The following RIBC2 variants were observed in gnomAD, a reference collection of about 807,000 sequenced individuals.
The protein encoded by RIBC2 is RIB43A domain with coiled-coils 2, also known as RIB43A-like with coiled-coils protein 2.
A neutral mutation model predicts 44.3 loss-of-function variants in RIBC2; 40 were observed. That is an observed-to-expected ratio of 0.90 (90% CI 0.70 to 1.18). RIBC2 has a LOEUF of 1.18. Ranked by LOEUF, RIBC2 falls within the 50% of genes most tolerant of loss-of-function variation. The pLI is 0.00. For missense variants in RIBC2, 459 were observed against 485.5 expected, an observed-to-expected ratio of 0.95 and a Z score of 0.51; for synonymous variants, 171 against 175.0, an observed-to-expected ratio of 0.98 and a Z score of 0.18.
At chr22:45,420,446 C>T (rs1021043950) in intron 3 of RIBC2, among the ~76,000 whole-genome samples, 10 of 152,152 alleles carry the variant, frequency 6.6e-5, no homozygotes, top group Non-Finnish European at 1.0e-4. Context: ...TGATCACTGA[C>T]GTGTTGTATG....
At chr22:45,431,139 CG>C in intron 6 of RIBC2, 73 bp downstream of exon 6, 1 of 1,508,340 alleles carries the variant, frequency 6.6e-7, no homozygotes, top group Admixed American at 2.0e-5. Flanking sequence ...AGGTCAAGGA[CG>C]AGGAGGGGGC....
chr22:45,428,321 G>A (rs930619556), intron 5 of RIBC2, among the ~76,000 whole-genome samples: 1 of 152,216 alleles, frequency 6.6e-6, no homozygotes, highest in African/African-American at 2.4e-5. Context: ...TGCTGTAAAG[G>A]GTGCAGAGAA....
intron 2 of RIBC2, among the ~76,000 whole-genome samples, chr22:45,415,588 G>A (rs2087416817): frequency 7.6e-6 from 1 of 131,918 alleles, no homozygotes; most frequent in African/African-American, 3.3e-5. Context: ...TGAGAATTGT[G>A]TTTTTTATAT....
At chr22:45,417,243 T>A (rs1276905216) in intron 2 of RIBC2, among the ~76,000 whole-genome samples, 2 of 152,176 alleles carry the variant, frequency 1.3e-5, no homozygotes, top group Non-Finnish European at 2.9e-5. Flanking sequence ...TCCTACACTT[T>A]GCCCATTTAT....
At chr22:45,430,519 G>A (rs2087569403) in intron 5 of RIBC2, among the ~76,000 whole-genome samples, 1 of 152,200 alleles carries the variant, frequency 6.6e-6, no homozygotes. Context: ...CATGGCTCAT[G>A]GAGGTGGCAT....
chr22:45,423,037 A>G (rs1318691188), intron 4 of RIBC2, among the ~76,000 whole-genome samples: 1 of 152,086 alleles, frequency 6.6e-6, no homozygotes, highest in Admixed American at 6.6e-5. Context: ...GCTGAAGTGT[A>G]GTGGCACGAT....
chr22:45,417,991 C>A, intron 3 of RIBC2, 45 bp downstream of exon 3: 18 of 955,912 alleles, frequency 1.9e-5, no homozygotes, highest in South Asian at 3.9e-5. Context: ...CTCTCTTCAA[C>A]AAACCAACCC....
chr22:45,431,081 G>A lies in RIBC2; in HGVS notation c.1070+15G>A. 2 of 1,563,224 alleles carry A rather than the reference G, an allele frequency of 1.3e-6. No individual in the cohort carries two copies. Among genetic ancestry groups the A allele is most frequent in the East Asian group, 4.8e-5 (2 of 41,740 alleles). On this transcript the variant is annotated intron_variant, in intron 6 of 6. Coordinates refer to ENST00000614167, the MANE Select transcript of RIBC2 (RefSeq NM_015653.5). Reference sequence around the variant, plus strand: ...CAGCATTTGCAGTGAGTGCTGGGTGGGACCAGGGCCAGGTGGGGGACCGGG... The same window carrying A: ...CAGCATTTGCAGTGAGTGCTGGGTGAGACCAGGGCCAGGTGGGGGACCGGG...
intron 4 of RIBC2, among the ~76,000 whole-genome samples, chr22:45,424,043 A>AT (rs1251025015): frequency 2.0e-5 from 3 of 152,040 alleles, no homozygotes; most frequent in African/African-American, 4.8e-5. Context: ...CTATTGTCTC[A>AT]TTCATCAATT....
chr22:45,424,426 G>C (rs760288742), intron 4 of RIBC2, among the ~76,000 whole-genome samples: 1 of 152,254 alleles, frequency 6.6e-6, no homozygotes, highest in Non-Finnish European at 1.5e-5. Flanking sequence ...GCCTTGGGCA[G>C]GCCACCCACT....
intron 4 of RIBC2, among the ~76,000 whole-genome samples, chr22:45,425,048 G>T (rs2087521581): frequency 1.3e-5 from 2 of 152,040 alleles, no homozygotes; most frequent in African/African-American, 4.8e-5. Flanking sequence ...TTGAACCTGG[G>T]AGGCAGAGGT....
In RIBC2 at chr22:45,432,506, C is replaced by A. The variant is rs2087590215; in HGVS notation, c.*144C>A. ...CACTGTGGACAAAACATTTATCTAA[C>A]CTCTCCCGTGTATTTCTGTGAGGAA... On this transcript the variant is annotated 3_prime_UTR_variant, in exon 7 of 7. Coordinates refer to ENST00000614167, the MANE Select transcript of RIBC2 (RefSeq NM_015653.5). 6.7e-6 allele frequency: 4 copies of A among 596,060 alleles called. No individual in the cohort carries two copies. Among genetic ancestry groups the A allele is most frequent in the East Asian group, 2.9e-5 (1 of 34,784 alleles). 36.9% of individuals were successfully genotyped at this position (596,060 alleles called of 1,614,324 possible). A position where few individuals can be genotyped will look rare whatever the true frequency, so the allele number is the denominator to read the frequency against.
chr22:45,422,672 G>A (rs966230404), intron 4 of RIBC2, among the ~76,000 whole-genome samples: 2 of 152,124 alleles, frequency 1.3e-5, no homozygotes, highest in East Asian at 1.9e-4. Context: ...TCTACACCTC[G>A]GTTTCTTCTT....
chr22:45,426,700 TAGGTTG>T (rs1245405537), intron 5 of RIBC2, among the ~76,000 whole-genome samples: 3 of 152,104 alleles, frequency 2.0e-5, no homozygotes, highest in Non-Finnish European at 4.4e-5. Context: ...GGATCTGACT[TAGGTTG>T]AACAGGATCC....
chr22:45,430,612 C>A (rs903572319), intron 5 of RIBC2, among the ~76,000 whole-genome samples: 3 of 152,178 alleles, frequency 2.0e-5, no homozygotes, highest in Non-Finnish European at 2.9e-5. Context: ...GAGCCCTGCA[C>A]CCCGGAGCTG....
intron 5 of RIBC2, among the ~76,000 whole-genome samples, chr22:45,428,926 G>A (rs2087555728): frequency 6.6e-6 from 1 of 152,208 alleles, no homozygotes; most frequent in Non-Finnish European, 1.5e-5. Flanking sequence ...GTCACCGCCT[G>A]CCTGATCAAG....
chr22:45,421,401 T>TAC (rs2087476853), intron 3 of RIBC2, among the ~76,000 whole-genome samples: 1 of 145,188 alleles, frequency 6.9e-6, no homozygotes, highest in Admixed American at 7.0e-5. Flanking sequence ...CCCAGGTTTA[T>TAC]ACCTCCAGCC....
At position 45,432,392 on chromosome 22, in the gene RIBC2, A is replaced by G. The variant is rs1470213055; in HGVS notation, c.*30A>G. On this transcript the variant is annotated 3_prime_UTR_variant, in exon 7 of 7. Coordinates refer to ENST00000614167, the MANE Select transcript of RIBC2 (RefSeq NM_015653.5). ...GAACACACCCTTGTTCCCGTCATTC[A>G]CGTATAAAGAGTGGCTACCTTAAAG... 1.4e-6 allele frequency: 2 copies of G among 1,435,670 alleles called. No homozygotes were observed. The highest frequency in any genetic ancestry group is 1.9e-6 in the Non-Finnish European group (2 of 1,031,508). The allele number at this position is 1,435,670 out of a possible 1,614,324, so 88.9% of individuals were successfully genotyped here.
chr22:45,414,950 C>T (rs1196939955), intron 2 of RIBC2, among the ~76,000 whole-genome samples: 2 of 152,098 alleles, frequency 1.3e-5, no homozygotes, highest in Non-Finnish European at 2.9e-5. Context: ...TGTCCGGGCT[C>T]ACACCCTCAA....
Sources: allele counts gnomAD v4.1 joint callset (sites outside exome capture counted in the v4.1 genomes callset), GRCh38; gene constraint gnomAD v4.1.1; transcripts MANE v1.5; gene names NCBI Gene and HGNC (gene_info 2026-07-23, HGNC 2026-07-21).